Variants in ST7L observed in about 807,000 individuals in gnomAD.
ST7L encodes the protein suppression of tumorigenicity 7 like, also known as suppressor of tumorigenicity 7 protein-like.
A neutral mutation model predicts 72.5 loss-of-function variants in ST7L; 57 were observed. That is an observed-to-expected ratio of 0.79 (90% CI 0.64 to 0.98). ST7L has a LOEUF of 0.98. Among genes scored for constraint, ST7L ranks in the 50% least tolerant of loss-of-function variants. The pLI, the probability that ST7L is intolerant of heterozygous loss-of-function variation, is 0.00. For missense variants in ST7L, 576 were observed against 672.2 expected, an observed-to-expected ratio of 0.86 and a Z score of 1.58; for synonymous variants, 221 against 240.9, an observed-to-expected ratio of 0.92 and a Z score of 0.77.
chr1:112,617,186 T>C (rs1670013338), intron 1 of ST7L: 1 of 197,418 alleles, frequency 5.1e-6, no homozygotes, highest in Non-Finnish European at 1.0e-5. Flanking sequence ...AAGATAAATA[T>C]GCTTTTACAA....
At chr1:112,589,137 A>G (rs1665294609) in intron 6 of ST7L, among the ~76,000 whole-genome samples, 2 of 152,090 alleles carry the variant, frequency 1.3e-5, no homozygotes, top group African/African-American at 2.4e-5. Context: ...TAATGGTGAG[A>G]TATCATTATC....
At chr1:112,583,068 T>C (rs1456848399) in intron 7 of ST7L, among the ~76,000 whole-genome samples, 1 of 152,214 alleles carries the variant, frequency 6.6e-6, no homozygotes, top group Non-Finnish European at 1.5e-5. Flanking sequence ...TTTAAAGATG[T>C]AGTTTCATTA....
intron 14 of ST7L, 88 bp from the exon 15 acceptor site, chr1:112,526,199 G>C: frequency 6.3e-7 from 1 of 1,578,040 alleles, no homozygotes; most frequent in African/African-American, 1.3e-5. Flanking sequence ...AGTTTACAAA[G>C]GAACAGCCTA....
chr1:112,569,377 T>C (rs1009112962), intron 11 of ST7L, among the ~76,000 whole-genome samples: 11 of 152,152 alleles, frequency 7.2e-5, no homozygotes, highest in African/African-American at 2.2e-4. Flanking sequence ...TATTCAGCCA[T>C]AAAATGAAGG....
chr1:112,555,834 G>A (rs764004424), intron 12 of ST7L, 34 bp downstream of exon 12: 3 of 1,443,418 alleles, frequency 2.1e-6, no homozygotes, highest in Non-Finnish European at 2.8e-6. Flanking sequence ...AATAGTTAGA[G>A]AGATTAGTGT....
At chr1:112,569,459 A>G (rs950844365) in intron 11 of ST7L, among the ~76,000 whole-genome samples, 2 of 152,224 alleles carry the variant, frequency 1.3e-5, no homozygotes, top group African/African-American at 4.8e-5. Flanking sequence ...ATACGATTCA[A>G]TTCATATGAA....
chr1:112,555,560 G>A (rs564426806), intron 12 of ST7L, among the ~76,000 whole-genome samples: 3 of 151,610 alleles, frequency 2.0e-5, no homozygotes, highest in South Asian at 4.2e-4. Flanking sequence ...GTGAGACTCC[G>A]TCTCAAAAAA....
Position 112,526,007 on chromosome 1 carries a change from C to A in ST7L, c.*6G>T, listed in dbSNP as rs541812577. 1.7e-5 allele frequency: 28 copies of A among 1,613,900 alleles called. No individual in the cohort carries two copies. Among genetic ancestry groups the A allele is most frequent in the Middle Eastern group, 1.6e-4 (1 of 6,084 alleles). ...TTTGTCCAAGGTCACATGAACAGTG[C>A]GTGGCTCAGCCAGAACTCAAACCTA... is the stretch of plus-strand genomic sequence containing the variant. On this transcript the variant is annotated 3_prime_UTR_variant, in exon 15 of 15. Coordinates refer to ENST00000358039, the MANE Select transcript of ST7L (RefSeq NM_017744.5).
At chr1:112,566,066 T>C (rs1660966515) in intron 11 of ST7L, among the ~76,000 whole-genome samples, 1 of 151,736 alleles carries the variant, frequency 6.6e-6, no homozygotes, top group South Asian at 2.1e-4. Context: ...TAATCAATAA[T>C]AGCCTGACAC....
intron 5 of ST7L, among the ~76,000 whole-genome samples, chr1:112,597,528 AAC>A (rs1230459414): frequency 6.6e-6 from 1 of 152,216 alleles, no homozygotes. Flanking sequence ...GAGAAAACTA[AAC>A]ACAGAAATTT....
chr1:112,605,716 G>C (rs1668140767), intron 3 of ST7L, among the ~76,000 whole-genome samples: 1 of 151,988 alleles, frequency 6.6e-6, no homozygotes, highest in Non-Finnish European at 1.5e-5. Flanking sequence ...AAAAGCTTGA[G>C]AATTCTTTTT....
At chr1:112,541,836 C>G in intron 14 of ST7L, 115 bp downstream of exon 14, 1 of 1,471,386 alleles carries the variant, frequency 6.8e-7, no homozygotes, top group South Asian at 1.6e-5. Context: ...AAATCAATTC[C>G]TTTAATTTAC....
rs546936884 is a variant in ST7L, at chr1:112,587,117, A to G, written c.702-2991T>C. ...TTCAAGGTGATGATGATTTGTCCCT[A>G]TGCTTTCTTCTAAGAGTTCTGTAGT... On this transcript the variant is annotated intron_variant, in intron 6 of 14. Coordinates refer to ENST00000358039, the MANE Select transcript of ST7L (RefSeq NM_017744.5). Among the ~76,000 whole-genome samples the G allele has an allele frequency of 9.1e-4, 139 of 152,240 alleles. 1 individual carries two copies. Among genetic ancestry groups the G allele is most frequent in the African/African-American group, 3.2e-3 (134 of 41,554 alleles).
At chr1:112,609,424 G>T (rs1381915285) in intron 3 of ST7L, among the ~76,000 whole-genome samples, 1 of 152,010 alleles carries the variant, frequency 6.6e-6, no homozygotes, top group Non-Finnish European at 1.5e-5. Context: ...TCAGCTACTT[G>T]GGAGGCTGAG....
intron 11 of ST7L, among the ~76,000 whole-genome samples, chr1:112,572,909 C>A (rs1662378916): frequency 6.6e-6 from 1 of 151,814 alleles, no homozygotes; most frequent in Middle Eastern, 3.4e-3. Flanking sequence ...TGAAGGAAGG[C>A]AATAAAGAGC....
intron 14 of ST7L, among the ~76,000 whole-genome samples, chr1:112,538,120 T>A (rs976673837): frequency 3.3e-5 from 5 of 152,328 alleles, no homozygotes; most frequent in Middle Eastern, 3.4e-3. Context: ...AGGAAATTTT[T>A]AAAAAGTCTG....
chr1:112,518,722 A>T (rs113663729), downstream of ST7L, among the ~76,000 whole-genome samples: 13 of 152,120 alleles, frequency 8.5e-5, no homozygotes, highest in Non-Finnish European at 5.9e-5. Context: ...GGATAAGTCA[A>T]ATGTGTGTTC....
chr1:112,546,386 G>T (rs1181647129), intron 13 of ST7L, among the ~76,000 whole-genome samples: 1 of 151,490 alleles, frequency 6.6e-6, no homozygotes, highest in African/African-American at 2.4e-5. Context: ...TGTATTGTCT[G>T]CCTGAACTCA....
Position 112,525,996 on chromosome 1 carries a change from C to T in ST7L, c.*17G>A, listed in dbSNP as rs373628317. On this transcript the variant is annotated 3_prime_UTR_variant, in exon 15 of 15. Transcript: ENST00000358039. ...AAATTTGGTGATTTGTCCAAGGTCA[C>T]ATGAACAGTGCGTGGCTCAGCCAGA... 9 of 1,613,910 alleles carry T rather than the reference C, an allele frequency of 5.6e-6. No individual in the cohort carries two copies. The highest frequency in any genetic ancestry group is 1.1e-5 in the South Asian group (1 of 91,058).
Sources: gnomAD v4.1 joint callset for allele counts (sites outside exome capture counted in the v4.1 genomes callset) on GRCh38, gnomAD v4.1.1 for gene constraint, MANE v1.5 for transcripts, NCBI Gene and HGNC (gene_info 2026-07-23, HGNC 2026-07-21) for gene names.